Variants in ASH2L observed in about 807,000 individuals in gnomAD.
The protein encoded by ASH2L is ASH2 like, histone lysine methyltransferase complex subunit.
Under a neutral mutation model 81.1 loss-of-function variants are expected in ASH2L, and 30 were observed. The ratio of observed to expected loss-of-function variants is 0.37; its 90% confidence interval spans 0.28 to 0.50. The LOEUF is 0.50. Among genes scored for constraint, ASH2L ranks in the 20% least tolerant of loss-of-function variants. ASH2L has a pLI of 0.95. For synonymous variants in ASH2L, 273 were observed against 279.9 expected (o/e 0.98, Z 0.24); for missense variants, 559 against 792.1 (o/e 0.71, Z 3.53).
At chr8:38,119,221 TG>T in intron 8 of ASH2L, 48 bp from the exon 9 acceptor site, 1 of 1,477,212 alleles carries the variant, frequency 6.8e-7, no homozygotes, top group Non-Finnish European at 9.2e-7. Context: ...AGTATCCACA[TG>T]GTGTTTCCCT....
intron 6 of ASH2L, 62 bp downstream of exon 6, chr8:38,114,349 C>G: frequency 9.6e-7 from 1 of 1,040,544 alleles, no homozygotes; most frequent in South Asian, 1.4e-5. Flanking sequence ...TGTAAGAATT[C>G]AATAATATCG....
At chr8:38,119,146 G>T in intron 8 of ASH2L, 124 bp from the exon 9 acceptor site, 2 of 832,102 alleles carry the variant, frequency 2.4e-6, no homozygotes, top group Non-Finnish European at 3.8e-6. Flanking sequence ...ATATGCCTTT[G>T]GAAGGAAATC....
At chr8:38,119,390 C>A (rs747055494) in intron 9 of ASH2L, 27 bp downstream of exon 9, 36 of 1,485,594 alleles carry the variant, frequency 2.4e-5, no homozygotes, top group Non-Finnish European at 2.8e-5. Flanking sequence ...CCCTGCCCCC[C>A]TCACTATTTA....
In ASH2L at chr8:38,128,906, A is replaced by C. The variant is rs779870533; in HGVS notation, c.1482A>C (p.Glu494Asp). 1.9e-6 allele frequency: 3 copies of C among 1,613,828 alleles called. No individual in the cohort carries two copies. Among genetic ancestry groups the C allele is most frequent in the Non-Finnish European group, 2.5e-6 (3 of 1,179,938 alleles). The change falls in exon 12 of 16, where the codon GAA becomes GAC. Residue 494 changes from glutamate to aspartate, a missense_variant. By Grantham distance (45) the Glu-to-Asp change is conservative. Transcript: ENST00000343823. ...TGGGATTTTATATTAATCTTCCTGA[A>C]GACACAGAGACAGCCAAGTCATTGC... ...DVLGFYINLP[E>D]DTETAKSLPD...
rs1158009763 is a variant in ASH2L at position 38,119,315 on chromosome 8, G to A, written c.899G>A (p.Arg300His). 6.4e-7 allele frequency: 1 copy of A among 1,550,910 alleles called. No individual in the cohort carries two copies. Among genetic ancestry groups the A allele is most frequent in the South Asian group, 1.2e-5 (1 of 83,876 alleles). Residue 300 changes from arginine (R) to histidine (H), a missense_variant, in exon 9 of 16, where the codon CGC becomes CAC. Physicochemically the swap from Arg to His is conservative, Grantham distance 29. Around this residue, in one of 4 missense-constraint regions of ASH2L, gnomAD observed 318 missense variants for 527.0 expected, o/e 0.60. Coordinates refer to ENST00000343823, the MANE Select transcript of ASH2L (RefSeq NM_004674.5). Reference sequence around the variant, plus strand: ...AGCGGAAAAGGACGAGGAGCCAAGCGCAAACAGCAGGATGGAGGGACCACA... The same window carrying A: ...AGCGGAAAAGGACGAGGAGCCAAGCACAAACAGCAGGATGGAGGGACCACA... The part of the protein sequence containing the change: ...GSSGKGRGAK[R>H]KQQDGGTTGT...
At chr8:38,132,723 T>C (rs899899998) in intron 12 of ASH2L, among the ~76,000 whole-genome samples, 1 of 150,720 alleles carries the variant, frequency 6.6e-6, no homozygotes, top group Non-Finnish European at 1.5e-5. Context: ...CGCTTGAACC[T>C]GGCAGGCCAA....
intron 14 of ASH2L, chr8:38,138,494 C>T (rs1041271067): frequency 2.2e-5 from 6 of 276,666 alleles, no homozygotes; most frequent in African/African-American, 1.3e-4. Context: ...TAGGTGTCTG[C>T]TTAGCAACAA....
Position 38,110,813 on chromosome 8 carries a change from A to G in ASH2L, c.565A>G (p.Thr189Ala). ...CCGAACACAGGATGAACATCCGAAG[A>G]CAATGTTCTCCAAAGATAAGGTAGA... Reference protein sequence around the residue: ...QSRTQDEHPKTMFSKDKDIIP... With the variant: ...QSRTQDEHPKAMFSKDKDIIP... Residue 189 changes from threonine (T) to alanine (A), a missense_variant, in exon 5 of 16, where the codon ACA becomes GCA. Thr to Ala is a moderately conservative substitution (Grantham distance 58). Coordinates refer to ENST00000343823, the MANE Select transcript of ASH2L (RefSeq NM_004674.5). 1.2e-6 allele frequency: 2 copies of G among 1,613,728 alleles called. No individual in the cohort carries two copies. The highest frequency in any genetic ancestry group is 1.7e-6 in the Non-Finnish European group (2 of 1,179,884).
intron 12 of ASH2L, among the ~76,000 whole-genome samples, chr8:38,131,302 G>A (rs1260608713): frequency 1.3e-5 from 2 of 151,828 alleles, no homozygotes; most frequent in African/African-American, 4.8e-5. Flanking sequence ...GATTCTGTAG[G>A]TGTTTTTTCA....
At chr8:38,118,360 G>T (rs968392472) in intron 8 of ASH2L, among the ~76,000 whole-genome samples, 7 of 152,262 alleles carry the variant, frequency 4.6e-5, no homozygotes, top group African/African-American at 1.4e-4. Context: ...ACATTTCCTG[G>T]AAGAGGGAAA....
chr8:38,111,967 T>TA (rs1360882443), intron 5 of ASH2L, among the ~76,000 whole-genome samples: 1 of 152,192 alleles, frequency 6.6e-6, no homozygotes, highest in Non-Finnish European at 1.5e-5. Flanking sequence ...GATCACCCAT[T>TA]ACATTTAGTT....
intron 3 of ASH2L, among the ~76,000 whole-genome samples, chr8:38,109,204 A>G (rs1810580399): frequency 6.6e-6 from 1 of 152,236 alleles, no homozygotes; most frequent in Admixed American, 6.5e-5. Flanking sequence ...ATTTAAATTA[A>G]AATAACTATT....
At chr8:38,125,245 GTTTA>G (rs780168688) in intron 10 of ASH2L, among the ~76,000 whole-genome samples, 4 of 152,060 alleles carry the variant, frequency 2.6e-5, no homozygotes, top group African/African-American at 7.2e-5. Flanking sequence ...TGCTTTATCT[GTTTA>G]TTTCTTTTTC....
chr8:38,132,609 G>A (rs1306124571), intron 12 of ASH2L, among the ~76,000 whole-genome samples: 1 of 151,812 alleles, frequency 6.6e-6, no homozygotes, highest in African/African-American at 2.4e-5. Flanking sequence ...GACCAGCCTG[G>A]CCAACATGGC....
At chr8:38,106,172 C>T (rs1358894926) in intron 1 of ASH2L, 3 of 1,529,414 alleles carry the variant, frequency 2.0e-6, no homozygotes, top group Non-Finnish European at 2.6e-6. Context: ...GTTAGGCTTC[C>T]CTGTGCTCCG....
At chr8:38,119,514 C>G (rs1479291722) in intron 9 of ASH2L, 151 bp downstream of exon 9, 1 of 644,318 alleles carries the variant, frequency 1.6e-6, no homozygotes, top group Non-Finnish European at 2.5e-6. Context: ...CAAAATAACC[C>G]CAGGTTGGAG....
rs906824197 is a variant in ASH2L at position 38,105,831 on chromosome 8, G to A, written c.188+93G>A. 3 of 1,450,480 alleles carry A rather than the reference G, an allele frequency of 2.1e-6. No individual in the cohort carries two copies. In the South Asian group the frequency reaches 4.2e-5, roughly 21 times the overall value. The allele number at this position is 1,450,480 out of a possible 1,614,324, so 89.9% of individuals were successfully genotyped here. On this transcript the variant is annotated intron_variant, in intron 1 of 15. Coordinates refer to ENST00000343823, the MANE Select transcript of ASH2L (RefSeq NM_004674.5). ...TGGAGCCCTGCCGCCCGCCCCCTGC[G>A]AACCCAGGCCCCGCCGCCAATGGCT...
intron 14 of ASH2L, among the ~76,000 whole-genome samples, chr8:38,137,322 C>T (rs942472069): frequency 2.8e-5 from 4 of 142,130 alleles, no homozygotes; most frequent in African/African-American, 5.3e-5. Context: ...CGAGGCGGGC[C>T]GATCATGAGG....
intron 15 of ASH2L, 44 bp downstream of exon 15, chr8:38,138,919 G>GTGGC (rs758780257): frequency 2.5e-6 from 4 of 1,613,370 alleles, no homozygotes; most frequent in Non-Finnish European, 3.4e-6. Context: ...CAGCATCTCC[G>GTGGC]TGGCTGCTGT....
Sources: gnomAD v4.1 joint callset for allele counts (sites outside exome capture counted in the v4.1 genomes callset) on GRCh38, gnomAD v4.1.1 for gene constraint, gnomAD v4.1.1 regional missense constraint, MANE v1.5 for transcripts, NCBI Gene and HGNC (gene_info 2026-07-23, HGNC 2026-07-21) for gene names.